PLPP3: variants seen among roughly 807,000 people sequenced by gnomAD.
PLPP3 encodes the protein PAP2 beta.
In PLPP3, 6 loss-of-function variants were observed where a neutral mutation model predicts 29.6. The observed-to-expected ratio is 0.20, with a 90% CI of 0.11 to 0.40. The LOEUF is 0.40. Ranked by LOEUF, PLPP3 falls within the 10% of genes least tolerant of loss-of-function variation. The pLI is 1.00. For missense variants in PLPP3, 308 were observed against 407.7 expected, an observed-to-expected ratio of 0.76 and a Z score of 2.11; for synonymous variants, 152 against 159.7, an observed-to-expected ratio of 0.95 and a Z score of 0.36.
chr1:56,574,121 A>G (rs1646218899), intron 1 of PLPP3, among the ~76,000 whole-genome samples: 1 of 151,620 alleles, frequency 6.6e-6, no homozygotes, highest in Admixed American at 6.6e-5. Flanking sequence ...AATCGCTTGA[A>G]TCCGGGAGGC....
chr1:56,573,286 C>T (rs1338229613), intron 1 of PLPP3, among the ~76,000 whole-genome samples: 1 of 152,162 alleles, frequency 6.6e-6, no homozygotes, highest in Non-Finnish European at 1.5e-5. Context: ...CTGAAAGACA[C>T]AGGACACCTT....
At chr1:56,537,860 T>C (rs1034913579) in intron 1 of PLPP3, among the ~76,000 whole-genome samples, 12 of 152,300 alleles carry the variant, frequency 7.9e-5, no homozygotes, top group Non-Finnish European at 1.3e-4. Flanking sequence ...GAGAACCAAG[T>C]GACTCTTGCA....
At chr1:56,567,850 T>C (rs971712878) in intron 1 of PLPP3, among the ~76,000 whole-genome samples, 11 of 152,188 alleles carry the variant, frequency 7.2e-5, no homozygotes, top group South Asian at 4.1e-4. Context: ...TGGATATTCA[T>C]AGCAGCACTA....
chr1:56,564,776 A>G (rs1646150814), intron 1 of PLPP3, among the ~76,000 whole-genome samples: 2 of 152,376 alleles, frequency 1.3e-5, no homozygotes, highest in Admixed American at 6.5e-5. Context: ...CAAAGCAATC[A>G]GTCACAAAGG....
intron 1 of PLPP3, among the ~76,000 whole-genome samples, chr1:56,565,743 A>C (rs983109452): frequency 1.3e-5 from 2 of 152,194 alleles, no homozygotes; most frequent in African/African-American, 4.8e-5. Flanking sequence ...TTTCTTTAGA[A>C]AGCCTTCTAT....
chr1:56,503,119 A>G (rs1645679355), intron 5 of PLPP3, among the ~76,000 whole-genome samples: 1 of 152,130 alleles, frequency 6.6e-6, no homozygotes, highest in South Asian at 2.1e-4. Context: ...TCCAACTGCA[A>G]TCATTATTTT....
intron 2 of PLPP3, among the ~76,000 whole-genome samples, chr1:56,536,613 A>C (rs967566673): frequency 1.3e-5 from 2 of 152,206 alleles, no homozygotes; most frequent in African/African-American, 4.8e-5. Context: ...CTAACTGCCT[A>C]TCCCCTTGAG....
At chr1:56,509,635 T>A (rs191226930) in intron 5 of PLPP3, among the ~76,000 whole-genome samples, 2 of 149,410 alleles carry the variant, frequency 1.3e-5, no homozygotes, top group Non-Finnish European at 3.0e-5. Flanking sequence ...AGGTCAGGAG[T>A]TCAAGACCAG....
At chr1:56,519,150 G>A (rs1048857500) in intron 4 of PLPP3, among the ~76,000 whole-genome samples, 5 of 152,056 alleles carry the variant, frequency 3.3e-5, no homozygotes, top group Non-Finnish European at 2.9e-5. Flanking sequence ...ACTCTCAAGC[G>A]TGCCCTCCAT....
intron 2 of PLPP3, among the ~76,000 whole-genome samples, chr1:56,536,619 T>C (rs1645928734): frequency 1.3e-5 from 2 of 152,196 alleles, no homozygotes; most frequent in Non-Finnish European, 1.5e-5. Flanking sequence ...GCCTATCCCC[T>C]TGAGCAGTTC....
At chr1:56,559,343 A>G (rs1173258700) in intron 1 of PLPP3, among the ~76,000 whole-genome samples, 1 of 152,210 alleles carries the variant, frequency 6.6e-6, no homozygotes, top group Non-Finnish European at 1.5e-5. Context: ...AAAACTGTGA[A>G]CAATAGATGC....
chr1:56,497,979 A>G (rs187518983), intron 5 of PLPP3, among the ~76,000 whole-genome samples: 3 of 152,186 alleles, frequency 2.0e-5, no homozygotes, highest in Non-Finnish European at 4.4e-5. Context: ...AACCTGTTGT[A>G]CCTTTTGAAT....
intron 1 of PLPP3, among the ~76,000 whole-genome samples, chr1:56,547,867 A>G (rs1201026062): frequency 6.6e-6 from 1 of 152,216 alleles, no homozygotes; most frequent in Non-Finnish European, 1.5e-5. Context: ...CTGACACTCT[A>G]TGTGATCTTC....
chr1:56,528,711 G>C (rs1645868388), intron 2 of PLPP3, among the ~76,000 whole-genome samples: 1 of 151,648 alleles, frequency 6.6e-6, no homozygotes, highest in Non-Finnish European at 1.5e-5. Flanking sequence ...GTTTTGTAGA[G>C]AGTATCTCTT....
intron 5 of PLPP3, 57 bp downstream of exon 5, chr1:56,511,919 T>C: frequency 6.3e-7 from 1 of 1,596,750 alleles, no homozygotes; most frequent in South Asian, 1.1e-5. Context: ...GCTGGAAACA[T>C]TTAACAAGCA....
intron 5 of PLPP3, among the ~76,000 whole-genome samples, chr1:56,497,394 C>T (rs1390127421): frequency 6.6e-6 from 1 of 152,196 alleles, no homozygotes; most frequent in Non-Finnish European, 1.5e-5. Flanking sequence ...ATAGTTCCTG[C>T]CTCAATGTGC....
chr1:56,557,012 G>GAAAGAAAGAAGGAA (rs60511169), intron 1 of PLPP3, among the ~76,000 whole-genome samples: 1 of 9,102 alleles, frequency 1.1e-4, no homozygotes, highest in Admixed American at 1.4e-3. Flanking sequence ...GAAAGAAAGA[G>GAAAGAAAGAAGGAA]AGAGAGAGAG....
intron 1 of PLPP3, among the ~76,000 whole-genome samples, chr1:56,574,308 G>A (rs1411602811): frequency 6.6e-6 from 1 of 152,070 alleles, no homozygotes; most frequent in African/African-American, 2.4e-5. Context: ...GGAGTGCAGT[G>A]ACACAATCAT....
At chr1:56,555,461 C>CAAAAAAAAAA (rs1417008799) in intron 1 of PLPP3, among the ~76,000 whole-genome samples, 2 of 65,378 alleles carry the variant, frequency 3.1e-5, no homozygotes, top group African/African-American at 5.1e-5. Flanking sequence ...AAAAAAAAAA[C>CAAAAAAAAAA]AAAAAACAAA....
Sources: allele counts gnomAD v4.1 joint callset (sites outside exome capture counted in the v4.1 genomes callset), GRCh38; gene constraint gnomAD v4.1.1; transcripts MANE v1.5; gene names NCBI Gene and HGNC (gene_info 2026-07-23, HGNC 2026-07-21).